The following SCFD2 variants were observed in gnomAD, a reference collection of about 807,000 sequenced individuals.
SCFD2 encodes the protein sec1 family domain containing 2, also known as sec1 family domain-containing protein 2.
In SCFD2, 54 loss-of-function variants were observed where a neutral mutation model predicts 58.9. That is an observed-to-expected ratio of 0.92 (90% CI 0.74 to 1.15). The LOEUF (loss-of-function observed/expected upper bound fraction) is 1.15, where lower values mean the gene tolerates loss of function less well. SCFD2 is among the 50% of genes most tolerant of loss of function. The probability of loss-of-function intolerance (pLI) is 0.00; values close to 1 mark genes in which losing one functional copy is unlikely to be tolerated. For synonymous variants in SCFD2, 321 were observed against 335.9 expected, an observed-to-expected ratio of 0.96 and a Z score of 0.49; for missense variants, 805 against 836.6, an observed-to-expected ratio of 0.96 and a Z score of 0.47.
intron 4 of SCFD2, among the ~76,000 whole-genome samples, chr4:53,146,746 G>A (rs1726341965): frequency 6.6e-6 from 1 of 152,202 alleles, no homozygotes; most frequent in Non-Finnish European, 1.5e-5. Context: ...TTTTGAGACA[G>A]AGATAGAGAG....
At chr4:52,923,981 T>G (rs1329902690) in intron 5 of SCFD2, among the ~76,000 whole-genome samples, 1 of 152,226 alleles carries the variant, frequency 6.6e-6, no homozygotes, top group African/African-American at 2.4e-5. Context: ...GAGTACTATG[T>G]ACTACTTTTT....
At chr4:52,954,140 G>T (rs776480877) in intron 5 of SCFD2, among the ~76,000 whole-genome samples, 5 of 152,184 alleles carry the variant, frequency 3.3e-5, no homozygotes, top group Admixed American at 6.5e-5. Flanking sequence ...AGCATGAGCT[G>T]CTCCCACATC....
intron 4 of SCFD2, among the ~76,000 whole-genome samples, chr4:53,155,698 TA>T (rs11337642): frequency 0.16 from 24,177 of 152,174 alleles, 2,391 homozygotes; most frequent in Admixed American, 0.24. Context: ...ACACTGAATT[TA>T]AAGCCTGCTA....
chr4:53,089,002 C>T (rs923306225), intron 5 of SCFD2, among the ~76,000 whole-genome samples: 3 of 151,934 alleles, frequency 2.0e-5, no homozygotes, highest in African/African-American at 7.3e-5. Context: ...TGGATAGCAC[C>T]CCTACTTCTT....
intron 4 of SCFD2, among the ~76,000 whole-genome samples, chr4:53,239,561 C>T (rs1219529092): frequency 2.2e-4 from 33 of 152,140 alleles, no homozygotes; most frequent in Non-Finnish European, 4.0e-4. Flanking sequence ...CTCAGCTCAC[C>T]GCAACCTCTG....
intron 4 of SCFD2, among the ~76,000 whole-genome samples, chr4:53,247,626 G>A (rs1369955362): frequency 8.6e-5 from 13 of 151,842 alleles, no homozygotes; most frequent in African/African-American, 1.5e-4. Flanking sequence ...TTGGGAGGCC[G>A]AGGCGGGTGG....
At chr4:53,115,153 A>C (rs1725285102) in intron 5 of SCFD2, among the ~76,000 whole-genome samples, 1 of 152,156 alleles carries the variant, frequency 6.6e-6, no homozygotes, top group Admixed American at 6.6e-5. Context: ...GTTACAATAA[A>C]TGTAAGTGGT....
At chr4:53,298,512 T>C (rs1732135584) in intron 3 of SCFD2, among the ~76,000 whole-genome samples, 1 of 152,204 alleles carries the variant, frequency 6.6e-6, no homozygotes, top group Non-Finnish European at 1.5e-5. Flanking sequence ...AGGCTCCACC[T>C]CTGGGGGCAG....
intron 5 of SCFD2, among the ~76,000 whole-genome samples, chr4:53,061,782 A>G (rs1240450590): frequency 6.6e-6 from 1 of 152,148 alleles, no homozygotes; most frequent in Non-Finnish European, 1.5e-5. Flanking sequence ...AGAAATTCTC[A>G]TAACGGCAAT....
chr4:53,196,654 GT>G (rs941387254), intron 4 of SCFD2, among the ~76,000 whole-genome samples: 61 of 152,044 alleles, frequency 4.0e-4, no homozygotes, highest in African/African-American at 1.4e-3. Flanking sequence ...CATATGATAA[GT>G]GGCTTTTGAT....
At chr4:53,012,755 C>T (rs1722124514) in intron 5 of SCFD2, among the ~76,000 whole-genome samples, 1 of 151,788 alleles carries the variant, frequency 6.6e-6, no homozygotes. Flanking sequence ...AGTTAATTGA[C>T]ATCTTATTAA....
At position 53,365,657 on chromosome 4, in the gene SCFD2, G is replaced by A. The variant is rs1276334568; in HGVS notation, c.285C>T (p.Arg95=). Reference sequence around the variant, plus strand: ...CCACCACACAATACTGGAAGTGACTGCGGCAGATGATGTCCCGTAGGATCT... The same window carrying A: ...CCACCACACAATACTGGAAGTGACTACGGCAGATGATGTCCCGTAGGATCT... The part of the protein sequence containing the change: ...TVEILRDIIC[R]SHFQYCVVVT... Residue 95 remains arginine, a synonymous_variant, in exon 1 of 9, where the codon CGC becomes CGT. Coordinates refer to ENST00000401642, the MANE Select transcript of SCFD2 (RefSeq NM_152540.4). The surrounding 1 kb of genome is among the most constrained non-coding windows in gnomAD (Gnocchi z 4.3). The A allele has an allele frequency of 6.2e-7, 1 of 1,614,240 alleles. No homozygotes were observed. Among genetic ancestry groups the A allele is most frequent in the Non-Finnish European group, 8.5e-7 (1 of 1,180,036 alleles).
intron 4 of SCFD2, among the ~76,000 whole-genome samples, chr4:53,251,389 C>T (rs1730372735): frequency 2.6e-5 from 4 of 152,086 alleles, no homozygotes; most frequent in Admixed American, 2.6e-4. Context: ...TTTATGAGGC[C>T]AGCAGCATCC....
chr4:53,240,036 C>A (rs1196738487), intron 4 of SCFD2, among the ~76,000 whole-genome samples: 5 of 152,178 alleles, frequency 3.3e-5, no homozygotes, highest in Non-Finnish European at 1.5e-5. Context: ...AAAGATCACC[C>A]TCCTTAACTT....
At chr4:53,227,670 A>C (rs1391673130) in intron 4 of SCFD2, among the ~76,000 whole-genome samples, 1 of 152,182 alleles carries the variant, frequency 6.6e-6, no homozygotes, top group East Asian at 1.9e-4. Flanking sequence ...CCCATCAGTC[A>C]TAATATATGG....
chr4:53,287,673 A>G (rs1731712518), intron 3 of SCFD2, among the ~76,000 whole-genome samples: 1 of 152,208 alleles, frequency 6.6e-6, no homozygotes, highest in Non-Finnish European at 1.5e-5. Flanking sequence ...TGACACTAAA[A>G]CATTTAAAAA....
intron 2 of SCFD2, among the ~76,000 whole-genome samples, chr4:53,331,581 G>T (rs1733471610): frequency 6.6e-6 from 1 of 152,014 alleles, no homozygotes. Context: ...AGAATCTCTG[G>T]GACACATTCA....
At chr4:53,122,475 C>A (rs532667206) in intron 5 of SCFD2, among the ~76,000 whole-genome samples, 13 of 152,206 alleles carry the variant, frequency 8.5e-5, no homozygotes, top group Non-Finnish European at 1.6e-4. Flanking sequence ...TCAGCATAAA[C>A]CCTATCCTGC....
At chr4:53,340,695 C>T (rs1733839261) in intron 2 of SCFD2, among the ~76,000 whole-genome samples, 2 of 152,218 alleles carry the variant, frequency 1.3e-5, no homozygotes, top group African/African-American at 4.8e-5. Flanking sequence ...AGTAGCCCAA[C>T]TGTGAGGCAA....
Sources: gnomAD v4.1 joint callset for allele counts (sites outside exome capture counted in the v4.1 genomes callset) on GRCh38, gnomAD v4.1.1 for gene constraint, Gnocchi (gnomAD v3.1) non-coding constraint, MANE v1.5 for transcripts, NCBI Gene and HGNC (gene_info 2026-07-23, HGNC 2026-07-21) for gene names.